Variants in RUBCNL observed in about 807,000 individuals in gnomAD.
RUBCNL encodes protein associated with UVRAG as autophagy enhancer.
In RUBCNL, 62 loss-of-function variants were observed where a neutral mutation model predicts 69.5. The observed-to-expected ratio is 0.89, with a 90% CI of 0.73 to 1.10. The LOEUF is 1.10. Among genes scored for constraint, RUBCNL ranks in the 50% least tolerant of loss-of-function variants. The pLI is 0.00. For missense variants in RUBCNL, 768 were observed against 798.1 expected, an observed-to-expected ratio of 0.96 and a Z score of 0.45; for synonymous variants, 291 against 303.6, an observed-to-expected ratio of 0.96 and a Z score of 0.43.
intron 12 of RUBCNL, among the ~76,000 whole-genome samples, chr13:46,347,406 TAAAAC>T (rs906217770): frequency 1.3e-5 from 2 of 152,016 alleles, no homozygotes. Context: ...GACTCTGTCT[TAAAAC>T]AAAACCAAAA....
At position 46,361,574 on chromosome 13, in the gene RUBCNL, C is replaced by T. The variant is rs372348457; in HGVS notation, c.987-1G>A. On this transcript the variant is annotated splice_acceptor_variant, in intron 7 of 14. Transcript: ENST00000429979. LOFTEE classifies it high-confidence loss of function. ...ATTGAAGTCTGGCTCATAAGTGACACTGAAATGTAAGAGATGCAAATACTG... is the reference window on the plus strand; with the variant it reads ...ATTGAAGTCTGGCTCATAAGTGACATTGAAATGTAAGAGATGCAAATACTG... 1.9e-6 allele frequency: 3 copies of T among 1,593,546 alleles called. No homozygotes were observed. The highest frequency in any genetic ancestry group is 2.7e-5 in the African/African-American group (2 of 74,594).
intron 5 of RUBCNL, 120 bp downstream of exon 5, chr13:46,367,922 C>G: frequency 1.1e-6 from 1 of 936,718 alleles, no homozygotes; most frequent in South Asian, 1.5e-5. Flanking sequence ...TTGGTACTAT[C>G]TGAAGGTTCA....
intron 10 of RUBCNL, among the ~76,000 whole-genome samples, chr13:46,351,211 T>A (rs1460004130): frequency 6.6e-6 from 1 of 152,158 alleles, no homozygotes; most frequent in African/African-American, 2.4e-5. Context: ...TGAGCCATCA[T>A]CATGTCACTG....
chr13:46,351,757 A>C (rs1566067846), intron 10 of RUBCNL, among the ~76,000 whole-genome samples: 1 of 151,986 alleles, frequency 6.6e-6, no homozygotes, highest in Non-Finnish European at 1.5e-5. Flanking sequence ...TCACTGTCTA[A>C]ATCCCCACCA....
intron 2 of RUBCNL, among the ~76,000 whole-genome samples, chr13:46,374,786 A>C (rs2476665): frequency 0.39 from 59,501 of 151,970 alleles, 12,248 homozygotes; most frequent in East Asian, 0.59. Flanking sequence ...TTCATCCAGC[A>C]TCCATAAGCC....
intron 5 of RUBCNL, among the ~76,000 whole-genome samples, chr13:46,364,042 G>T (rs1231028641): frequency 6.6e-6 from 1 of 151,622 alleles, no homozygotes; most frequent in Non-Finnish European, 1.5e-5. Context: ...AAACATAGGA[G>T]AGAAACACAG....
At chr13:46,343,698 G>C (rs955739742) in intron 14 of RUBCNL, among the ~76,000 whole-genome samples, 1 of 152,124 alleles carries the variant, frequency 6.6e-6, no homozygotes, top group Admixed American at 6.5e-5. Context: ...AACAGGTCAT[G>C]AACAGGAGGC....
chr13:46,371,127 C>T (rs1192367503), intron 3 of RUBCNL, among the ~76,000 whole-genome samples: 1 of 152,114 alleles, frequency 6.6e-6, no homozygotes. Flanking sequence ...AGATGAGCTC[C>T]TGCTAGTGAG....
chr13:46,372,489 T>C lies in RUBCNL; in HGVS notation c.-14A>G, dbSNP rs981856300. The C allele has an allele frequency of 1.4e-5, 22 of 1,584,934 alleles. No homozygotes were observed. The highest frequency in any genetic ancestry group is 1.8e-5 in the Non-Finnish European group (21 of 1,165,506). ...TTGTGACACCATCTTTCCAGGCTTG[T>C]GGCTGGTGTGAATCCATTCAAAACA... is the stretch of plus-strand genomic sequence containing the variant. On this transcript the variant is annotated 5_prime_UTR_variant, in exon 3 of 15. Transcript: ENST00000429979.
chr13:46,343,958 A>C (rs2048188564), intron 14 of RUBCNL, among the ~76,000 whole-genome samples: 1 of 152,204 alleles, frequency 6.6e-6, no homozygotes, highest in African/African-American at 2.4e-5. Flanking sequence ...AACAATGCTG[A>C]AAGGCCACCA....
chr13:46,349,567 C>T (rs1194347052), intron 11 of RUBCNL, among the ~76,000 whole-genome samples: 1 of 152,078 alleles, frequency 6.6e-6, no homozygotes, highest in Admixed American at 6.5e-5. Flanking sequence ...CTAAAACTTA[C>T]AGAACTTTGG....
At chr13:46,359,377 T>C in intron 9 of RUBCNL, 109 bp downstream of exon 9, 1 of 880,146 alleles carries the variant, frequency 1.1e-6, no homozygotes, top group Non-Finnish European at 1.6e-6. Flanking sequence ...CAAATTTTCC[T>C]GTGTTCTTTA....
intron 12 of RUBCNL, among the ~76,000 whole-genome samples, chr13:46,349,084 T>A (rs2048312449): frequency 6.6e-6 from 1 of 152,238 alleles, no homozygotes; most frequent in Admixed American, 6.5e-5. Flanking sequence ...CTGGTATGAC[T>A]TTATTAGCTA....
chr13:46,359,277 T>C (rs750006659), intron 9 of RUBCNL, among the ~76,000 whole-genome samples: 1 of 151,706 alleles, frequency 6.6e-6, no homozygotes, highest in African/African-American at 2.4e-5. Context: ...TTGTCAAAAC[T>C]TACAGAGCCC....
At chr13:46,363,997 T>C (rs1362917473) in intron 5 of RUBCNL, among the ~76,000 whole-genome samples, 1 of 151,244 alleles carries the variant, frequency 6.6e-6, no homozygotes, top group Non-Finnish European at 1.5e-5. Context: ...ATAATCATTG[T>C]AAATATAAAT....
Position 46,378,746 on chromosome 13 carries a change from C to T in RUBCNL, c.-238-741G>A, listed in dbSNP as rs564486445. ...TCTTTCAGATCATAAGCAGCCAGCA[C>T]TTGGAGGGCAGAGCAGCTTTAGCTC... On this transcript the variant is annotated intron_variant, in intron 1 of 14. Transcript: ENST00000429979. The T allele has an allele frequency of 2.6e-5, 4 of 152,382 alleles. No homozygotes were observed. The East Asian group carries it at 7.7e-4, about 29-fold the overall frequency. 9.4% of individuals were successfully genotyped at this position (152,382 alleles called of 1,614,324 possible).
upstream of RUBCNL, among the ~76,000 whole-genome samples, chr13:46,388,199 CAAAAAAAAAAA>C (rs71074779): frequency 2.9e-5 from 2 of 68,202 alleles, no homozygotes; most frequent in Non-Finnish European, 5.0e-5. Flanking sequence ...GCAAGACTGT[CAAAAAAAAAAA>C]AAAAAAAAAA....
In RUBCNL at chr13:46,343,468, A is replaced by G. The variant is rs747399128; in HGVS notation, c.1906T>C (p.Phe636Leu). The change falls in exon 15 of 15, where the codon TTC (phenylalanine) becomes CTC (leucine). Residue 636 changes from phenylalanine (F) to leucine (L), a missense_variant. Transcript: ENST00000429979. ...ACRACFHKQC[F>L]QSSECPRCAR... ...CACCGGGGGCACTCGGAGGACTGGA[A>G]GCACTGTTTGTGAAAGCAAGCCCTG... 8.1e-6 allele frequency: 13 copies of G among 1,613,834 alleles called. No homozygotes were observed. The African/African-American group carries it at 1.7e-4, about 22-fold the overall frequency.
At position 46,382,487 on chromosome 13, in the gene RUBCNL, T is replaced by C. The variant is rs371024764; in HGVS notation, c.-238-4482A>G. On this transcript the variant is annotated intron_variant, in intron 1 of 14. Transcript: ENST00000429979. Reference sequence around the variant, plus strand: ...AAAGACAACAGATGACCACTAGCAATTGAGCACCTACTGTCAGACCCTACC... The same window carrying C: ...AAAGACAACAGATGACCACTAGCAACTGAGCACCTACTGTCAGACCCTACC... 1.2e-4 allele frequency among the ~76,000 whole-genome samples: 19 copies of C among 152,090 alleles called. No individual in the cohort carries two copies. In the South Asian group the frequency reaches 3.5e-3, roughly 28 times the overall value.
Sources: gnomAD v4.1 joint callset for allele counts (sites outside exome capture counted in the v4.1 genomes callset) on GRCh38, gnomAD v4.1.1 for gene constraint, MANE v1.5 for transcripts, NCBI Gene and HGNC (gene_info 2026-07-23, HGNC 2026-07-21) for gene names.